COL21A1: variants seen among roughly 807,000 people sequenced by gnomAD.
COL21A1 encodes the protein collagen type XXI alpha 1 chain, also known as collagen alpha-1(XXI) chain.
COL21A1 carries 149 observed loss-of-function variants against 137.9 expected under a neutral mutation model. The observed-to-expected ratio is 1.08, with a 90% CI of 0.95 to 1.24. The LOEUF (loss-of-function observed/expected upper bound fraction) is 1.24. Among genes scored for constraint, COL21A1 ranks in the 50% most tolerant of loss-of-function variants. The pLI is 0.00. For synonymous variants in COL21A1, 456 were observed against 391.5 expected, an observed-to-expected ratio of 1.16 and a Z score of -1.95; for missense variants, 1,167 against 1,158.4, an observed-to-expected ratio of 1.01 and a Z score of -0.11.
At chr6:56,260,610 A>AAGAAGAAG (rs377334361) in intron 1 of COL21A1, among the ~76,000 whole-genome samples, 2 of 104,508 alleles carry the variant, frequency 1.9e-5, no homozygotes, top group African/African-American at 6.3e-5. Context: ...GAAGAAGAAG[A>AAGAAGAAG]AAGAAAGAGA....
At chr6:56,072,850 G>A (rs1582247431) in intron 20 of COL21A1, among the ~76,000 whole-genome samples, 1 of 151,422 alleles carries the variant, frequency 6.6e-6, no homozygotes, top group East Asian at 1.9e-4. Context: ...TTTAATATGT[G>A]TAATTTTAAC....
chr6:56,081,690 C>A (rs1048256843), intron 17 of COL21A1, among the ~76,000 whole-genome samples: 1 of 151,712 alleles, frequency 6.6e-6, no homozygotes, highest in Admixed American at 6.6e-5. Context: ...TTGCAATAAA[C>A]CCTTGATAAG....
chr6:56,300,021 C>G (rs1764244187), intron 1 of COL21A1, among the ~76,000 whole-genome samples: 1 of 152,030 alleles, frequency 6.6e-6, no homozygotes, highest in African/African-American at 2.4e-5. Context: ...ACAAGGCTAG[C>G]CAGCTTAGTG....
chr6:56,138,521 T>C (rs1350588441), intron 12 of COL21A1, among the ~76,000 whole-genome samples: 1 of 151,590 alleles, frequency 6.6e-6, no homozygotes, highest in Admixed American at 6.6e-5. Context: ...AGGAGAAATC[T>C]AGGAGCATGT....
At chr6:56,109,993 A>G (rs1463538905) in intron 16 of COL21A1, among the ~76,000 whole-genome samples, 1 of 152,056 alleles carries the variant, frequency 6.6e-6, no homozygotes, top group Non-Finnish European at 1.5e-5. Context: ...AAAAGCCAGT[A>G]TTGTTTTGAT....
intron 1 of COL21A1, among the ~76,000 whole-genome samples, chr6:56,212,115 T>G (rs1370137341): frequency 1.3e-5 from 2 of 152,086 alleles, no homozygotes; most frequent in African/African-American, 4.8e-5. Context: ...AAGTACTTCA[T>G]TAACATTTCT....
intron 16 of COL21A1, among the ~76,000 whole-genome samples, chr6:56,106,099 T>C (rs1394190408): frequency 3.9e-5 from 6 of 152,222 alleles, no homozygotes; most frequent in African/African-American, 1.4e-4. Context: ...AACTTCTATA[T>C]TTCCTTTATC....
chr6:56,309,596 G>C (rs1282950988), intron 1 of COL21A1, among the ~76,000 whole-genome samples: 2 of 152,110 alleles, frequency 1.3e-5, no homozygotes, highest in East Asian at 3.9e-4. Context: ...ACTCCCAGGG[G>C]GGCAGTGACT....
chr6:56,145,944 T>A (rs983744474), intron 10 of COL21A1, among the ~76,000 whole-genome samples: 12 of 151,988 alleles, frequency 7.9e-5, no homozygotes, highest in Non-Finnish European at 7.4e-5. Context: ...TTTTCCTCCA[T>A]GATTCATAGT....
At chr6:56,232,255 A>G (rs1391572765) in intron 1 of COL21A1, among the ~76,000 whole-genome samples, 1 of 151,918 alleles carries the variant, frequency 6.6e-6, no homozygotes, top group Non-Finnish European at 1.5e-5. Flanking sequence ...GCAACTCAAG[A>G]GAACTAAAAA....
At chr6:56,082,702 T>A (rs1459349878) in intron 17 of COL21A1, among the ~76,000 whole-genome samples, 21 of 151,774 alleles carry the variant, frequency 1.4e-4, no homozygotes, top group Admixed American at 1.4e-3. Flanking sequence ...CATACCAAAA[T>A]ATTTTAAAGC....
intron 1 of COL21A1, among the ~76,000 whole-genome samples, chr6:56,281,588 C>T (rs1763787270): frequency 6.6e-6 from 1 of 152,120 alleles, no homozygotes. Context: ...ATTCCTCCTC[C>T]TTGCATAGTG....
intron 1 of COL21A1, among the ~76,000 whole-genome samples, chr6:56,277,914 C>T (rs1763705432): frequency 6.6e-6 from 1 of 152,166 alleles, no homozygotes; most frequent in African/African-American, 2.4e-5. Context: ...GGGAATCCTA[C>T]TTAAATCATA....
intron 10 of COL21A1, among the ~76,000 whole-genome samples, chr6:56,155,339 T>G (rs750881261): frequency 6.6e-6 from 1 of 152,212 alleles, no homozygotes; most frequent in Non-Finnish European, 1.5e-5. Context: ...TTGTGGTTTT[T>G]TTTGTTTGTT....
At chr6:56,072,822 G>T (rs1327487227) in intron 20 of COL21A1, among the ~76,000 whole-genome samples, 1 of 151,428 alleles carries the variant, frequency 6.6e-6, no homozygotes, top group Non-Finnish European at 1.5e-5. Context: ...ATATTTTATT[G>T]AAAAGATTAT....
rs568177787 is a variant in COL21A1 at position 56,333,942 on chromosome 6, C to T, written c.-39+60029G>A. Among the ~76,000 whole-genome samples the T allele has an allele frequency of 9.2e-5, 14 of 151,672 alleles. No individual in the cohort carries two copies. The South Asian group carries it at 2.9e-3, about 32-fold the overall frequency. On this transcript the variant is annotated intron_variant, in intron 1 of 28. Coordinates refer to the COL21A1 transcript ENST00000370819. ...ATCCAATCTGTGTTTAAATATTTTG[C>T]CCATTTCTGATTCTGTTGTTTTGAG...
intron 9 of COL21A1, among the ~76,000 whole-genome samples, chr6:56,160,152 T>C (rs1776086678): frequency 6.6e-6 from 1 of 152,188 alleles, no homozygotes; most frequent in African/African-American, 2.4e-5. Context: ...TAAAGTAAAA[T>C]CCTAATTAAT....
chr6:56,125,495 G>A (rs1444590599), intron 14 of COL21A1, 72 bp downstream of exon 14: 2 of 1,052,608 alleles, frequency 1.9e-6, no homozygotes, highest in Non-Finnish European at 2.9e-6. Flanking sequence ...GGTTAGAACT[G>A]CAATTCTAGT....
intron 1 of COL21A1, among the ~76,000 whole-genome samples, chr6:56,219,931 C>T (rs1202338318): frequency 6.6e-6 from 1 of 152,102 alleles, no homozygotes; most frequent in Non-Finnish European, 1.5e-5. Flanking sequence ...ACAATTCTTC[C>T]AATCAAGGCA....
Sources: allele counts gnomAD v4.1 joint callset (sites outside exome capture counted in the v4.1 genomes callset), GRCh38; gene constraint gnomAD v4.1.1; transcripts MANE v1.5; gene names NCBI Gene and HGNC (gene_info 2026-07-23, HGNC 2026-07-21).